The following SOX6 variants were observed in gnomAD, a reference collection of about 807,000 sequenced individuals.
SOX6 encodes the protein SRY-box transcription factor 6.
Under a neutral mutation model 97.8 loss-of-function variants are expected in SOX6, and 11 were observed. The ratio of observed to expected loss-of-function variants is 0.11; its 90% CI spans 0.07 to 0.19. SOX6 has a LOEUF of 0.19. SOX6 is among the 10% of genes least tolerant of loss of function. The probability of loss-of-function intolerance (pLI) is 1.00; values close to 1 mark genes in which losing one functional copy is unlikely to be tolerated. For synonymous variants in SOX6, 360 were observed against 371.4 expected (o/e 0.97, Z 0.35); for missense variants, 810 against 1,039.5 (o/e 0.78, Z 3.04).
intron 3 of SOX6, among the ~76,000 whole-genome samples, chr11:16,238,828 TGAG>T (rs1290631026): frequency 2.0e-5 from 3 of 152,120 alleles, no homozygotes; most frequent in Non-Finnish European, 4.4e-5. Context: ...AATATTTTAG[TGAG>T]GAGAACAATT....
chr11:16,208,947 T>C (rs1852145149), intron 4 of SOX6, among the ~76,000 whole-genome samples: 1 of 152,200 alleles, frequency 6.6e-6, no homozygotes, highest in African/African-American at 2.4e-5. Context: ...TATTGAAGAA[T>C]ATCCACAAAT....
intron 4 of SOX6, among the ~76,000 whole-genome samples, chr11:16,530,997 A>T (rs1325965657): frequency 2.0e-5 from 3 of 146,816 alleles, no homozygotes; most frequent in Non-Finnish European, 4.5e-5. Context: ...ATAATGTTAA[A>T]ATATATATAT....
intron 6 of SOX6, among the ~76,000 whole-genome samples, chr11:16,169,742 T>C (rs1050716995): frequency 3.9e-5 from 6 of 152,076 alleles, no homozygotes; most frequent in South Asian, 4.1e-4. Flanking sequence ...TTCCTTCCAC[T>C]TGAGACAGAA....
chr11:16,626,622 A>G (rs1312403332), intron 3 of SOX6, among the ~76,000 whole-genome samples: 4 of 152,194 alleles, frequency 2.6e-5, no homozygotes, highest in Non-Finnish European at 5.9e-5. Context: ...TAATCTATAG[A>G]TAAATTTTGA....
intron 2 of SOX6, among the ~76,000 whole-genome samples, chr11:16,334,656 G>A (rs1856405101): frequency 6.6e-6 from 1 of 152,002 alleles, no homozygotes; most frequent in Admixed American, 6.6e-5. Flanking sequence ...TCAAACTCCT[G>A]ACCTCAAGTG....
At chr11:16,288,099 GA>G (rs1052256113) in intron 3 of SOX6, among the ~76,000 whole-genome samples, 2 of 151,972 alleles carry the variant, frequency 1.3e-5, no homozygotes, top group Non-Finnish European at 1.5e-5. Flanking sequence ...GATTTCACCT[GA>G]AAAATGTTCA....
chr11:16,194,157 A>G (rs1851709118), intron 4 of SOX6, among the ~76,000 whole-genome samples: 1 of 152,216 alleles, frequency 6.6e-6, no homozygotes, highest in Non-Finnish European at 1.5e-5. Context: ...GCATACCAGC[A>G]GCTAATTTGA....
chr11:16,114,080 G>A (rs185699251), intron 6 of SOX6, among the ~76,000 whole-genome samples: 21 of 152,244 alleles, frequency 1.4e-4, no homozygotes, highest in Admixed American at 2.6e-4. Flanking sequence ...AACACCATAT[G>A]TTAGAGATGT....
At position 15,986,284 on chromosome 11, in the gene SOX6, A is replaced by G. The variant is rs1036080635; in HGVS notation, c.2103T>C (p.Asp701=). The G allele has an allele frequency of 2.5e-6, 4 of 1,613,996 alleles. No homozygotes were observed. The highest frequency in any genetic ancestry group is 1.3e-5 in the African/African-American group (1 of 74,900). ...ACTCCCCAATCCGAAGCTTTTTGCC[A>G]TCAACAATGCAGGTGCGTTTCGGTC... ...KPRPKRTCIV[D]GKKLRIGEYK... Residue 701 remains aspartate, a synonymous_variant, in exon 15 of 16, where the codon GAT becomes GAC. Coordinates refer to ENST00000683767, the MANE Select transcript of SOX6 (RefSeq NM_001367873.1).
intron 4 of SOX6, among the ~76,000 whole-genome samples, chr11:16,572,739 C>G (rs747654628): frequency 3.3e-5 from 5 of 152,126 alleles, no homozygotes; most frequent in Non-Finnish European, 7.4e-5. Context: ...ATCAAATACT[C>G]TACATGTCAA....
At chr11:16,693,550 T>C (rs1018218850) in intron 3 of SOX6, among the ~76,000 whole-genome samples, 3 of 152,152 alleles carry the variant, frequency 2.0e-5, no homozygotes, top group Admixed American at 6.5e-5. Flanking sequence ...ATTTTTAATA[T>C]ATAGAAGCTT....
chr11:15,990,278 A>G (rs1359795659), intron 13 of SOX6, among the ~76,000 whole-genome samples: 2 of 152,042 alleles, frequency 1.3e-5, no homozygotes, highest in African/African-American at 4.8e-5. Flanking sequence ...AGCAAAGATT[A>G]TTTGGTTTTC....
intron 12 of SOX6, among the ~76,000 whole-genome samples, chr11:16,021,988 G>C (rs529980358): frequency 6.6e-6 from 1 of 152,176 alleles, no homozygotes; most frequent in African/African-American, 2.4e-5. Flanking sequence ...TCAAAATTTA[G>C]ATATGTATTT....
intron 2 of SOX6, among the ~76,000 whole-genome samples, chr11:16,319,390 T>C (rs990508074): frequency 1.3e-5 from 2 of 152,278 alleles, no homozygotes; most frequent in African/African-American, 4.8e-5. Flanking sequence ...ATACTTTAAG[T>C]TCTAGGGTAC....
In SOX6 at chr11:16,107,157, C is replaced by T. The variant is rs185676963; in HGVS notation, c.898+4646G>A. ...TTTCTCGTGGGAATATAAAATGGCA[C>T]GGCTACTGTGGAAAACAGTTTGGTG... On this transcript the variant is annotated intron_variant, in intron 7 of 15. Coordinates refer to ENST00000683767, the MANE Select transcript of SOX6 (RefSeq NM_001367873.1). Among the ~76,000 whole-genome samples the T allele has an allele frequency of 2.2e-4, 34 of 151,918 alleles. No individual in the cohort carries two copies. The East Asian group carries it at 3.1e-3, about 14-fold the overall frequency.
intron 3 of SOX6, among the ~76,000 whole-genome samples, chr11:16,668,238 G>C (rs1478017273): frequency 6.6e-6 from 1 of 151,610 alleles, no homozygotes. Flanking sequence ...GCCAGCATGG[G>C]GGTGCATGCC....
chr11:16,163,829 T>C (rs936522574), intron 6 of SOX6, among the ~76,000 whole-genome samples: 5 of 152,206 alleles, frequency 3.3e-5, no homozygotes, highest in African/African-American at 9.6e-5. Context: ...TCATGTGGTA[T>C]GTATTTTGTC....
chr11:16,329,578 C>A (rs1414807861), intron 2 of SOX6, among the ~76,000 whole-genome samples: 1 of 152,172 alleles, frequency 6.6e-6, no homozygotes, highest in Non-Finnish European at 1.5e-5. Flanking sequence ...TAAGCTCAGA[C>A]AAGTTAGTTA....
chr11:16,652,836 A>G (rs1479156398), intron 3 of SOX6, among the ~76,000 whole-genome samples: 3 of 152,196 alleles, frequency 2.0e-5, no homozygotes, highest in Non-Finnish European at 4.4e-5. Context: ...AACCCACAGA[A>G]TAGGAGAAGA....
Sources: gnomAD v4.1 joint callset for allele counts (sites outside exome capture counted in the v4.1 genomes callset) on GRCh38, gnomAD v4.1.1 for gene constraint, MANE v1.5 for transcripts, NCBI Gene and HGNC (gene_info 2026-07-23, HGNC 2026-07-21) for gene names.